The following CCDC171 variants were observed in gnomAD, a reference collection of about 807,000 sequenced individuals.
CCDC171 encodes coiled-coil domain-containing protein 171.
Under a neutral mutation model 168.2 loss-of-function variants are expected in CCDC171, and 177 were observed. That is an observed-to-expected ratio of 1.05 (90% CI 0.93 to 1.19). The LOEUF is 1.19. Ranked by LOEUF, CCDC171 falls within the 50% of genes most tolerant of loss-of-function variation. The probability of loss-of-function intolerance (pLI) is 0.00; values close to 1 mark genes in which losing one functional copy is unlikely to be tolerated. For missense variants in CCDC171, 1,991 were observed against 1,539.0 expected (o/e 1.29, Z -4.91); for synonymous variants, 687 against 540.8 (o/e 1.27, Z -3.75).
chr9:15,949,263 T>G (rs1444439529), intron 25 of CCDC171, among the ~76,000 whole-genome samples: 1 of 152,142 alleles, frequency 6.6e-6, no homozygotes, highest in Non-Finnish European at 1.5e-5. Flanking sequence ...GCATGATGCC[T>G]CCAGCTTTGT....
chr9:15,623,396 C>T lies in CCDC171; in HGVS notation c.805C>T (p.Leu269Phe). ...LEFSTQREER[L>F]RKEFEATTLR... ...ATTTAGCACTCAACGAGAGGAACGC[C>T]TTAGAAAAGAATTTGAGGTACATTT... The change falls in exon 7 of 26, where the codon CTT becomes TTT. Residue 269 changes from leucine (L) to phenylalanine (F), a missense_variant. Physicochemically the swap from Leu to Phe is conservative, Grantham distance 22. Coordinates refer to ENST00000380701, the MANE Select transcript of CCDC171 (RefSeq NM_173550.4). 1.2e-6 allele frequency: 2 copies of T among 1,601,882 alleles called. No individual in the cohort carries two copies. Among genetic ancestry groups the T allele is most frequent in the African/African-American group, 2.7e-5 (2 of 74,672 alleles).
Position 15,740,109 on chromosome 9 carries a change from T to G in CCDC171, c.2050-4164T>G, listed in dbSNP as rs117268070. On this transcript the variant is annotated intron_variant, in intron 16 of 25. Transcript: ENST00000380701. Reference sequence around the variant, plus strand: ...GCATCTGGATTTTTAGTTTTAACAATCCTATCTTTATAACAAGATTAAGTA... The same window carrying G: ...GCATCTGGATTTTTAGTTTTAACAAGCCTATCTTTATAACAAGATTAAGTA... Among the ~76,000 whole-genome samples, 40 of 152,350 alleles carry G rather than the reference T, an allele frequency of 2.6e-4. No homozygotes were observed. In the East Asian group the frequency reaches 7.7e-3, roughly 29 times the overall value.
chr9:15,616,457 A>G (rs940390841), intron 6 of CCDC171, among the ~76,000 whole-genome samples: 7 of 151,948 alleles, frequency 4.6e-5, no homozygotes, highest in Admixed American at 2.0e-4. Flanking sequence ...TTATTTTACT[A>G]TATAAAATAC....
At chr9:16,071,980 C>G in the CCDC171 span, among the ~76,000 whole-genome samples, 1 of 152,268 alleles carries the variant, frequency 6.6e-6, no homozygotes, top group African/African-American at 2.4e-5. Context: ...TCATCCAATA[C>G]TGGCTTTCAT....
chr9:15,938,088 T>C (rs1364863537), intron 25 of CCDC171, among the ~76,000 whole-genome samples: 1 of 151,916 alleles, frequency 6.6e-6, no homozygotes, highest in Non-Finnish European at 1.5e-5. Context: ...CACTGGTATC[T>C]ACCTCATCTA....
At chr9:15,591,678 C>T (rs1445268514) in intron 5 of CCDC171, 122 bp downstream of exon 5, 2 of 625,424 alleles carry the variant, frequency 3.2e-6, no homozygotes, top group East Asian at 6.1e-5. Flanking sequence ...CTTCCTCCCT[C>T]CCATTTTTTC....
At chr9:15,677,008 C>G (rs964377720) in intron 9 of CCDC171, among the ~76,000 whole-genome samples, 1 of 151,998 alleles carries the variant, frequency 6.6e-6, no homozygotes, top group African/African-American at 2.4e-5. Context: ...ATTTTTTGTT[C>G]CCAGTGTTCT....
At chr9:16,075,801 G>T in the CCDC171 span, among the ~76,000 whole-genome samples, 3 of 152,072 alleles carry the variant, frequency 2.0e-5, no homozygotes, top group Non-Finnish European at 2.9e-5. Flanking sequence ...CCATTAATGG[G>T]TCACACAGTC....
intron 21 of CCDC171, among the ~76,000 whole-genome samples, chr9:15,840,255 A>G (rs1222248064): frequency 6.6e-6 from 1 of 152,066 alleles, no homozygotes; most frequent in East Asian, 1.9e-4. Context: ...AATTATTCAC[A>G]TTTTTTCAAA....
chr9:15,594,661 C>T (rs1180418014), intron 6 of CCDC171, among the ~76,000 whole-genome samples: 3 of 152,032 alleles, frequency 2.0e-5, no homozygotes, highest in African/African-American at 7.2e-5. Context: ...CATCTAATCC[C>T]CTTTATACAT....
chr9:15,989,629 G>A (rs191502927), intron 3 of CCDC171, among the ~76,000 whole-genome samples: 113 of 152,082 alleles, frequency 7.4e-4, no homozygotes, highest in African/African-American at 2.5e-3. Context: ...AAACTTCTCC[G>A]AGCTAAAGGA....
intron 1 of CCDC171, among the ~76,000 whole-genome samples, chr9:15,560,182 T>C (rs371920028): frequency 1.3e-5 from 2 of 152,170 alleles, no homozygotes; most frequent in African/African-American, 4.8e-5. Context: ...ATTTCAACTT[T>C]GGTGAATCTG....
intron 1 of CCDC171, among the ~76,000 whole-genome samples, chr9:16,044,483 A>G (rs1247453596): frequency 1.8e-5 from 1 of 55,804 alleles, no homozygotes; most frequent in Non-Finnish European, 4.8e-5. Context: ...ACCACAGGAG[A>G]AAAAAAAAGA....
chr9:15,778,387 C>G (rs2057459142), intron 19 of CCDC171, among the ~76,000 whole-genome samples: 1 of 141,514 alleles, frequency 7.1e-6, no homozygotes, highest in Non-Finnish European at 1.5e-5. Flanking sequence ...GCCTGTAATC[C>G]CAGTACTTTG....
the CCDC171 span, among the ~76,000 whole-genome samples, chr9:16,077,330 G>C: frequency 5.3e-5 from 8 of 152,122 alleles, no homozygotes; most frequent in African/African-American, 1.9e-4. Context: ...CCTTACCGGG[G>C]TATCAAATCA....
In CCDC171 at chr9:15,971,878, T is replaced by G; in HGVS notation, c.*42T>G. ...AATGGAGGAAGAGTTAACAGTACAA[T>G]TAAAATTGTTTTGAATGGGAATTTT... is the stretch of plus-strand genomic sequence containing the variant. On this transcript the variant is annotated 3_prime_UTR_variant, in exon 26 of 26. Coordinates refer to ENST00000380701, the MANE Select transcript of CCDC171 (RefSeq NM_173550.4). 1 of 1,499,740 alleles carries G rather than the reference T, an allele frequency of 6.7e-7. No individual in the cohort carries two copies. The highest frequency in any genetic ancestry group is 9.2e-7 in the Non-Finnish European group (1 of 1,083,122). 92.9% of individuals were successfully genotyped at this position (1,499,740 alleles called of 1,614,324 possible).
chr9:16,106,386 G>T, the CCDC171 span, among the ~76,000 whole-genome samples: 2 of 152,144 alleles, frequency 1.3e-5, no homozygotes, highest in Non-Finnish European at 2.9e-5. Flanking sequence ...CCGTAGCTCA[G>T]TGTCAGATTT....
At chr9:16,002,930 A>G (rs902597706) in intron 3 of CCDC171, among the ~76,000 whole-genome samples, 1 of 152,234 alleles carries the variant, frequency 6.6e-6, no homozygotes, top group African/African-American at 2.4e-5. Context: ...GCTACACTAC[A>G]TAGCCTAGAT....
the CCDC171 span, among the ~76,000 whole-genome samples, chr9:16,069,859 A>T: frequency 1.3e-5 from 2 of 152,184 alleles, no homozygotes; most frequent in Admixed American, 6.5e-5. Context: ...ACCCACTCAG[A>T]TTCCTAAGGG....
Sources: gnomAD v4.1 joint callset for allele counts (sites outside exome capture counted in the v4.1 genomes callset) on GRCh38, gnomAD v4.1.1 for gene constraint, MANE v1.5 for transcripts, NCBI Gene and HGNC (gene_info 2026-07-23, HGNC 2026-07-21) for gene names.